Variants in ODF2 observed in about 807,000 individuals in gnomAD.
ODF2 encodes the protein outer dense fiber protein 2.
In ODF2, 47 loss-of-function variants were observed where a neutral mutation model predicts 110.2. That is an observed-to-expected ratio of 0.43 (90% confidence interval 0.34 to 0.54). The LOEUF is 0.54. ODF2 is among the 20% of genes least tolerant of loss of function. The probability of loss-of-function intolerance (pLI) is 0.03; values close to 1 mark genes in which losing one functional copy is unlikely to be tolerated. For synonymous variants in ODF2, 352 were observed against 397.7 expected (o/e 0.89, Z 1.37); for missense variants, 812 against 1,054.5 (o/e 0.77, Z 3.19).
Position 128,459,576 on chromosome 9 carries a change from G to A in ODF2, c.42G>A (p.Ser14=), listed in dbSNP as rs368549728. The change falls in exon 3 of 21, where the codon TCG becomes TCA. Residue 14 remains serine (S), a synonymous_variant. Transcript: ENST00000604420. ...TTGTGCCTGGGTGCAGGTTTCCATC[G>A]TGTGGGAAGAACGGAGTAACGAGTC... The A allele has an allele frequency of 1.7e-5, 27 of 1,613,654 alleles. No homozygotes were observed. In the East Asian group the frequency reaches 2.0e-4, roughly 12 times the overall value.
intron 5 of ODF2, among the ~76,000 whole-genome samples, chr9:128,470,048 A>ATATATATATATATAT (rs1554829182): frequency 6.1e-5 from 5 of 81,862 alleles, no homozygotes; most frequent in Non-Finnish European, 1.2e-4. Flanking sequence ...TATATATATA[A>ATATATATATATATAT]ATAAAAAAAT....
chr9:128,498,892 G>A (rs1401077692), intron 19 of ODF2, 109 bp from the exon 20 acceptor site: 1 of 1,400,872 alleles, frequency 7.1e-7, no homozygotes, highest in East Asian at 2.3e-5. Context: ...AGTCCACAAT[G>A]ATGTGCAAGT....
exon 21 of ODF2, chr9:128,500,316 C>A (rs1846329770): frequency 6.4e-7 from 1 of 1,551,902 alleles, no homozygotes; most frequent in African/African-American, 1.4e-5. Context: ...GTTGCCAAGC[C>A]ATAGCTGAGA....
exon 21 of ODF2, chr9:128,500,073 C>T (rs1408002114): frequency 3.7e-6 from 6 of 1,614,076 alleles, no homozygotes; most frequent in African/African-American, 1.3e-5. Flanking sequence ...TTAGGCGGAC[C>T]GCCGCTACCA....
At chr9:128,479,503 G>T (rs1013767222) in intron 8 of ODF2, among the ~76,000 whole-genome samples, 15 of 152,210 alleles carry the variant, frequency 9.9e-5, no homozygotes, top group Non-Finnish European at 2.2e-4. Context: ...CCTGGTACTG[G>T]TGAGTGCAGG....
At position 128,500,056 on chromosome 9, in the gene ODF2, C is replaced by G; in HGVS notation, c.2302-11C>G. The stretch of plus-strand genomic sequence containing the variant: ...TGCACAGCGGGCCCATGCTCTGTTT[C>G]TCCTCGTTAGGCGGACCGCCGCTAC... On this transcript the variant is annotated splice_polypyrimidine_tract_variant and intron_variant, in intron 20 of 20. Transcript: ENST00000604420. The G allele has an allele frequency of 6.2e-7, 1 of 1,614,122 alleles. No homozygotes were observed. The highest frequency in any genetic ancestry group is 8.5e-7 in the Non-Finnish European group (1 of 1,179,976).
At chr9:128,476,554 C>T (rs539003233) in intron 8 of ODF2, among the ~76,000 whole-genome samples, 102 of 152,104 alleles carry the variant, frequency 6.7e-4, no homozygotes, top group African/African-American at 2.1e-3. Context: ...TCCCAAAGTG[C>T]TGTAATTACA....
intron 8 of ODF2, among the ~76,000 whole-genome samples, chr9:128,474,145 G>A (rs1047221914): frequency 4.6e-5 from 7 of 152,100 alleles, no homozygotes; most frequent in African/African-American, 1.7e-4. Flanking sequence ...GATCACTTGA[G>A]GTCAGGAGTT....
At chr9:128,458,041 G>A (rs1189719370) in intron 2 of ODF2, among the ~76,000 whole-genome samples, 1 of 151,244 alleles carries the variant, frequency 6.6e-6, no homozygotes, top group Admixed American at 6.6e-5. Flanking sequence ...GCATTTTGAT[G>A]TTGCATTATT....
chr9:128,457,231 C>A (rs550947678), exon 2 of ODF2: 3 of 1,586,770 alleles, frequency 1.9e-6, no homozygotes. Context: ...AGTAGAGGAG[C>A]GCCTCCCAAG....
At chr9:128,489,693 T>C (rs545782342) in intron 14 of ODF2, among the ~76,000 whole-genome samples, 6 of 152,344 alleles carry the variant, frequency 3.9e-5, no homozygotes, top group South Asian at 4.1e-4. Context: ...TGTATGTCTT[T>C]AGGTGTACAC....
chr9:128,491,397 C>T (rs1160967381), intron 14 of ODF2, among the ~76,000 whole-genome samples: 1 of 151,490 alleles, frequency 6.6e-6, no homozygotes, highest in Non-Finnish European at 1.5e-5. Flanking sequence ...GTGGCTCACG[C>T]CTATAATCCC....
chr9:128,486,065 C>A, intron 13 of ODF2, among the ~76,000 whole-genome samples: 1 of 152,254 alleles, frequency 6.6e-6, no homozygotes, highest in South Asian at 2.1e-4. Flanking sequence ...TGAGCATCTA[C>A]CATATACCAA....
intron 4 of ODF2, among the ~76,000 whole-genome samples, chr9:128,467,124 G>T (rs1838406103): frequency 7.5e-6 from 1 of 133,716 alleles, no homozygotes; most frequent in Non-Finnish European, 1.5e-5. Flanking sequence ...TCATCATTGT[G>T]CAAACATCAT....
chr9:128,500,112 C>T, exon 21 of ODF2: 4 of 1,614,276 alleles, frequency 2.5e-6, no homozygotes, highest in Non-Finnish European at 3.4e-6. Flanking sequence ...GAAAGATCGC[C>T]TGGAGCAGTC....
intron 14 of ODF2, among the ~76,000 whole-genome samples, chr9:128,490,287 A>AT (rs879656530): frequency 1.1e-3 from 156 of 146,214 alleles, no homozygotes; most frequent in East Asian, 3.8e-3. Context: ...TCCTAGTCTA[A>AT]TTTTTTTTTT....
chr9:128,494,929 G>C lies in ODF2; in HGVS notation c.1911+261G>C, dbSNP rs1845326166. 9.1e-7 allele frequency: 1 copy of C among 1,093,396 alleles called. No individual in the cohort carries two copies. The allele number at this position is 1,093,396 out of a possible 1,614,324, so 67.7% of individuals were successfully genotyped here. The stretch of plus-strand genomic sequence containing the variant: ...CCTGCTGTTGCCCCCACCCAAGACT[G>C]CTGCCTCTGCCTGTGTGCTCCGCAG... On this transcript the variant is annotated intron_variant, in intron 17 of 20. Coordinates refer to ENST00000604420, the Ensembl canonical transcript of ODF2. The surrounding 1 kb of genome is among the most constrained non-coding windows in gnomAD (Gnocchi z 4.6).
chr9:128,497,569 G>A (rs1325875149), intron 18 of ODF2: 2 of 147,850 alleles, frequency 1.4e-5, no homozygotes, highest in African/African-American at 2.5e-5. Context: ...GCGTGAACCC[G>A]GGAGGCGGAG....
At position 128,494,985 on chromosome 9, in the gene ODF2, G is replaced by A. The variant is rs1845335085; in HGVS notation, c.1911+317G>A. On this transcript the variant is annotated intron_variant, in intron 17 of 20. Transcript: ENST00000604420. The surrounding 1 kb of genome is among the most constrained non-coding windows in gnomAD (Gnocchi z 4.6). ...CTCAGCTCCACACCCACAGCTGGGA[G>A]ATGCCAGCAGACACCGAGCCGTAGA... is the stretch of plus-strand genomic sequence containing the variant. 1 of 630,570 alleles carries A rather than the reference G, an allele frequency of 1.6e-6. No individual in the cohort carries two copies. Among genetic ancestry groups the A allele is most frequent in the South Asian group, 2.2e-5 (1 of 46,244 alleles). The allele number at this position is 630,570 out of a possible 1,614,324, so 39.1% of individuals were successfully genotyped here.
Sources: allele counts gnomAD v4.1 joint callset (sites outside exome capture counted in the v4.1 genomes callset), GRCh38; gene constraint gnomAD v4.1.1; non-coding constraint Gnocchi (gnomAD v3.1); transcripts MANE v1.5; gene names NCBI Gene and HGNC (gene_info 2026-07-23, HGNC 2026-07-21).